The following VAX1 variants were observed in gnomAD, a reference collection of about 807,000 sequenced individuals.
The protein encoded by VAX1 is ventral anterior homeobox 1.
VAX1 carries 6 observed loss-of-function variants against 17.6 expected under a neutral mutation model. The observed-to-expected ratio is 0.34, with a 90% CI of 0.19 to 0.67. The LOEUF is 0.67. VAX1 is among the 30% of genes least tolerant of loss of function. The probability of loss-of-function intolerance (pLI) is 0.69; values close to 1 mark genes in which losing one functional copy is unlikely to be tolerated. For synonymous variants in VAX1, 256 were observed against 227.4 expected (o/e 1.13, Z -1.13); for missense variants, 408 against 463.7 (o/e 0.88, Z 1.10).
chr10:117,134,258 C>G lies in VAX1; in HGVS notation c.755G>C (p.Gly252Ala). Residue 252 changes from glycine (G) to alanine (A), a missense_variant, in exon 3 of 3, where the codon GGT becomes GCT. This residue lies in a region of VAX1 where 196 missense variants were observed against 218.7 expected (regional missense o/e 0.90). Coordinates refer to ENST00000369206, the MANE Select transcript of VAX1 (RefSeq NM_001112704.2). This position sits in a 1 kb window ranked among gnomAD's most constrained non-coding sequence, Gnocchi z 6.2. ...TCCCCCCGGCCCGGCGGGCCCGGGA[C>G]CTGGAGCACCGCCCACAGCCGGCGG... ...PHPPAVGGAP[G>A]PGPAGPGGLH... 7.4e-7 allele frequency: 1 copy of G among 1,349,340 alleles called. No individual in the cohort carries two copies. Among genetic ancestry groups the G allele is most frequent in the Non-Finnish European group, 9.4e-7 (1 of 1,059,892 alleles). 83.6% of individuals were successfully genotyped at this position (1,349,340 alleles called of 1,614,324 possible). A position where few individuals can be genotyped will look rare whatever the true frequency, so the allele number is the denominator to read the frequency against.
chr10:117,133,632 G>C lies in VAX1; in HGVS notation c.*376C>G. On this transcript the variant is annotated 3_prime_UTR_variant, in exon 3 of 3. Transcript: ENST00000369206. ...TTCCTAGGAATAGTCGGCAGCGGCA[G>C]CAGCCGCAGCAGCCGCGGATCTAGA... 1.0e-6 allele frequency: 1 copy of C among 997,174 alleles called. No individual in the cohort carries two copies. 61.8% of individuals were successfully genotyped at this position (997,174 alleles called of 1,614,324 possible). A position where few individuals can be genotyped will look rare whatever the true frequency, so the allele number is the denominator to read the frequency against.
downstream of VAX1, chr10:117,132,567 G>A (rs1393118339): frequency 6.1e-5 from 88 of 1,436,686 alleles, no homozygotes; most frequent in Non-Finnish European, 8.1e-5. This position sits in a 1 kb window ranked among gnomAD's most constrained non-coding sequence, Gnocchi z 4.9. Context: ...AGTGTTTTTC[G>A]CTTGCTTCAG....
chr10:117,134,353 G>T lies in VAX1; in HGVS notation c.660C>A (p.Gly220=). ...CTGCGGCGGCCGAGCCTGCAGCGGC[G>T]CCCGCGCCCAGGGCCGGCAAGCTGG... is the stretch of plus-strand genomic sequence containing the variant. ...RGPSLPALGA[G]AAAGSAAAAA... is the part of the protein sequence containing the mutation. The change falls in exon 3 of 3, where the codon GGC becomes GGA. Residue 220 remains glycine, a synonymous_variant. Transcript: ENST00000369206. This position sits in a 1 kb window ranked among gnomAD's most constrained non-coding sequence, Gnocchi z 6.2. 8.9e-7 allele frequency: 1 copy of T among 1,121,378 alleles called. No individual in the cohort carries two copies. Among genetic ancestry groups the T allele is most frequent in the Non-Finnish European group, 1.1e-6 (1 of 917,992 alleles). The allele number at this position is 1,121,378 out of a possible 1,614,324, so 69.5% of individuals were successfully genotyped here. A position where few individuals can be genotyped will look rare whatever the true frequency, so the allele number is the denominator to read the frequency against.
rs2133663166 is a variant in VAX1, at chr10:117,137,052, A to G, written c.242-393T>C. 6.6e-6 allele frequency among the ~76,000 whole-genome samples: 1 copy of G among 151,900 alleles called. No individual in the cohort carries two copies. Among genetic ancestry groups the G allele is most frequent in the African/African-American group, 2.4e-5 (1 of 41,412 alleles). On this transcript the variant is annotated intron_variant, in intron 1 of 2. Coordinates refer to ENST00000369206, the MANE Select transcript of VAX1 (RefSeq NM_001112704.2). This position sits in a 1 kb window ranked among gnomAD's most constrained non-coding sequence, Gnocchi z 7.4. Reference sequence around the variant, plus strand: ...CCCCAGCTCTGGGCTTGCCGACCAGACCGTGATCCAGACGTCCCCACCCCC... The same window carrying G: ...CCCCAGCTCTGGGCTTGCCGACCAGGCCGTGATCCAGACGTCCCCACCCCC...
chr10:117,132,044 G>A, downstream of VAX1: 1 of 623,104 alleles, frequency 1.6e-6, no homozygotes, highest in Non-Finnish European at 2.7e-6. The surrounding 1 kb of genome is among the most constrained non-coding windows in gnomAD (Gnocchi z 4.9). Context: ...TTAAGGAGGA[G>A]GGTCTGAGGG....
At position 117,138,150 on chromosome 10, in the gene VAX1, G is replaced by A. The variant is rs1008591079; in HGVS notation, c.-94C>T. 1.6e-6 allele frequency: 2 copies of A among 1,251,186 alleles called. No homozygotes were observed. Among genetic ancestry groups the A allele is most frequent in the Admixed American group, 5.2e-5 (2 of 38,210 alleles). The allele number at this position is 1,251,186 out of a possible 1,614,324, so 77.5% of individuals were successfully genotyped here. A position where few individuals can be genotyped will look rare whatever the true frequency, so the allele number is the denominator to read the frequency against. On this transcript the variant is annotated 5_prime_UTR_variant, in exon 1 of 3. Transcript: ENST00000369206. ...GAAGGAAAAAAAAAAGAGGAAAAAG[G>A]GGACAAAACCCCCGACAACGCGGCC...
chr10:117,137,226 C>T lies in VAX1; in HGVS notation c.242-567G>A, dbSNP rs1488901985. ...GCCTCCGCCGCCGGGGCTAAGTGCA[C>T]GCCGCGCCATCCGAGAGCGGCAGAG... On this transcript the variant is annotated intron_variant, in intron 1 of 2. Transcript: ENST00000369206. This position sits in a 1 kb window ranked among gnomAD's most constrained non-coding sequence, Gnocchi z 7.4. Among the ~76,000 whole-genome samples the T allele has an allele frequency of 6.6e-6, 1 of 152,092 alleles. No individual in the cohort carries two copies. Among genetic ancestry groups the T allele is most frequent in the Non-Finnish European group, 1.5e-5 (1 of 68,000 alleles).
At chr10:117,130,098 A>G (rs1292048589), downstream of VAX1, 2 of 152,242 alleles carry the variant, frequency 1.3e-5, no homozygotes, top group Non-Finnish European at 2.9e-5. Context: ...AAACTGAAAG[A>G]AAGAGGCCTC....
downstream of VAX1, chr10:117,132,099 C>G: frequency 8.7e-7 from 1 of 1,152,408 alleles, no homozygotes; most frequent in Admixed American, 2.5e-5. The surrounding 1 kb of genome is among the most constrained non-coding windows in gnomAD (Gnocchi z 4.9). Context: ...GCGAAACACT[C>G]AAGGAAGTGG....
chr10:117,136,561 G>C lies in VAX1; in HGVS notation c.340C>G (p.Arg114Gly). 6.2e-7 allele frequency: 1 copy of C among 1,613,894 alleles called. No homozygotes were observed. The highest frequency in any genetic ancestry group is 8.5e-7 in the Non-Finnish European group (1 of 1,180,032). ...CAGCGCTGGAACTCCATCTCCAGCC[G>C]ATAGAGCTGCTCCGCGGTGAAGGAC... ...RTSFTAEQLY[R>G]LEMEFQRCQY... is the part of the protein sequence containing the mutation. Residue 114 changes from arginine (R) to glycine (G), a missense_variant, in exon 2 of 3, where the codon CGG (arginine) becomes GGG (glycine). Transcript: ENST00000369206. The surrounding 1 kb of genome is among the most constrained non-coding windows in gnomAD (Gnocchi z 5.0).
intron 2 of VAX1, among the ~76,000 whole-genome samples, chr10:117,135,146 A>C (rs926703856): frequency 1.3e-5 from 2 of 152,222 alleles, no homozygotes; most frequent in Admixed American, 6.5e-5. Context: ...GGTGAAGGCT[A>C]CAAAGGACCA....
chr10:117,136,381 CAGAGCAGGTTAGGAGGTGA>C lies in VAX1; in HGVS notation c.429+72_429+90del. 1 of 1,516,344 alleles carries C rather than the reference CAGAGCAGGTTAGGAGGTGA, an allele frequency of 6.6e-7. No homozygotes were observed. Among genetic ancestry groups the C allele is most frequent in the Non-Finnish European group, 9.0e-7 (1 of 1,114,174 alleles). The allele number at this position is 1,516,344 out of a possible 1,614,324, so 93.9% of individuals were successfully genotyped here. ...TCCACCTCCCAAGGGTAGTTCTGTC[CAGAGCAGGTTAGGAGGTGA>C]AGAGCAGGCTAGGTAGGGGTGGTGG... On this transcript the variant is annotated intron_variant, in intron 2 of 2. Coordinates refer to ENST00000369206, the MANE Select transcript of VAX1 (RefSeq NM_001112704.2). The surrounding 1 kb of genome is among the most constrained non-coding windows in gnomAD (Gnocchi z 5.0).
At chr10:117,130,047 A>C (rs1854065420), downstream of VAX1, 2 of 152,016 alleles carry the variant, frequency 1.3e-5, no homozygotes, top group African/African-American at 4.8e-5. Flanking sequence ...GAGGGGAGAA[A>C]GGGAAGAAGG....
rs1373314757 is a variant in VAX1 at position 117,137,801 on chromosome 10, C to T, written c.241+15G>A. 11 of 1,611,222 alleles carry T rather than the reference C, an allele frequency of 6.8e-6. No individual in the cohort carries two copies. The highest frequency in any genetic ancestry group is 9.3e-6 in the Non-Finnish European group (11 of 1,179,906). Reference sequence around the variant, plus strand: ...GACCCCAAAGAACGCGCCTGGCAGCCCTGCCCATCCCTACCTCGGACCAGG... The same window carrying T: ...GACCCCAAAGAACGCGCCTGGCAGCTCTGCCCATCCCTACCTCGGACCAGG... On this transcript the variant is annotated intron_variant, in intron 1 of 2. Coordinates refer to ENST00000369206, the MANE Select transcript of VAX1 (RefSeq NM_001112704.2). The surrounding 1 kb of genome is among the most constrained non-coding windows in gnomAD (Gnocchi z 7.4).
rs1389311015 is a variant in VAX1, at chr10:117,136,701, C to G, written c.242-42G>C. On this transcript the variant is annotated intron_variant, in intron 1 of 2. Transcript: ENST00000369206. The surrounding 1 kb of genome is among the most constrained non-coding windows in gnomAD (Gnocchi z 5.0). ...GTCAGCCGCCAGAACCCTCCCGTCC[C>G]CCTCCACCTCCTTGGCCCGAGCTGG... is the stretch of plus-strand genomic sequence containing the variant. 1 of 1,580,280 alleles carries G rather than the reference C, an allele frequency of 6.3e-7. No individual in the cohort carries two copies. Among genetic ancestry groups the G allele is most frequent in the East Asian group, 2.3e-5 (1 of 44,172 alleles).
Position 117,133,850 on chromosome 10 carries a change from A to G in VAX1, c.*158T>C. On this transcript the variant is annotated 3_prime_UTR_variant, in exon 3 of 3. Coordinates refer to ENST00000369206, the MANE Select transcript of VAX1 (RefSeq NM_001112704.2). ...AGAAAAAAAAAATAGCCCGAATGAG[A>G]TGAAATTGGTAGCAGAGTCTAGTGG... 7.5e-7 allele frequency: 1 copy of G among 1,339,998 alleles called. No homozygotes were observed. Among genetic ancestry groups the G allele is most frequent in the Non-Finnish European group, 9.5e-7 (1 of 1,052,756 alleles). The allele number at this position is 1,339,998 out of a possible 1,614,324, so 83.0% of individuals were successfully genotyped here.
chr10:117,135,216 A>G (rs1854157118), intron 2 of VAX1, among the ~76,000 whole-genome samples: 1 of 152,230 alleles, frequency 6.6e-6, no homozygotes, highest in African/African-American at 2.4e-5. Context: ...CTGCAGGAGA[A>G]TAATATGTGC....
At position 117,133,601 on chromosome 10, in the gene VAX1, C is replaced by A; in HGVS notation, c.*407G>T. 1 of 988,778 alleles carries A rather than the reference C, an allele frequency of 1.0e-6. No homozygotes were observed. The highest frequency in any genetic ancestry group is 1.2e-6 in the Non-Finnish European group (1 of 832,308). The allele number at this position is 988,778 out of a possible 1,614,324, so 61.3% of individuals were successfully genotyped here. ...GGGTCTGCGCGCAGTTTTCCTCTTT[C>A]AAATATTCCTAGGAATAGTCGGCAG... On this transcript the variant is annotated 3_prime_UTR_variant, in exon 3 of 3. Transcript: ENST00000369206.
chr10:117,135,375 G>C (rs1854158746), intron 2 of VAX1, among the ~76,000 whole-genome samples: 1 of 152,196 alleles, frequency 6.6e-6, no homozygotes. Flanking sequence ...GAGGTGGATT[G>C]AATATTCCCC....
Sources: allele counts gnomAD v4.1 joint callset (sites outside exome capture counted in the v4.1 genomes callset), GRCh38; gene constraint gnomAD v4.1.1; regional missense constraint gnomAD v4.1.1; non-coding constraint Gnocchi (gnomAD v3.1); transcripts MANE v1.5; gene names NCBI Gene and HGNC (gene_info 2026-07-23, HGNC 2026-07-21).